The following RINT1 variants were observed in gnomAD, a reference collection of about 807,000 sequenced individuals.
The protein encoded by RINT1 is RAD50 interactor 1, also known as RAD50-interacting protein 1.
RINT1 carries 75 observed loss-of-function variants against 97.7 expected under a neutral mutation model. The ratio of observed to expected loss-of-function variants is 0.77; its 90% CI spans 0.64 to 0.93. The LOEUF (loss-of-function observed/expected upper bound fraction) is 0.93. Ranked by LOEUF, RINT1 falls within the 40% of genes least tolerant of loss-of-function variation. The probability of loss-of-function intolerance (pLI) is 0.00; values close to 1 mark genes in which losing one functional copy is unlikely to be tolerated. For missense variants in RINT1, 892 were observed against 925.2 expected (o/e 0.96, Z 0.47); for synonymous variants, 303 against 326.3 (o/e 0.93, Z 0.77).
chr7:105,567,553 C>T lies in RINT1; in HGVS notation c.*242C>T. On this transcript the variant is annotated 3_prime_UTR_variant, in exon 15 of 15. Transcript: ENST00000257700. ...TCAATTCTATTTACAAGTATAAATG[C>T]TGAGTATGTCTGTTGAAGACGAGCA... is the stretch of plus-strand genomic sequence containing the variant. 3.0e-6 allele frequency: 2 copies of T among 658,648 alleles called. No individual in the cohort carries two copies. Among genetic ancestry groups the T allele is most frequent in the East Asian group, 2.7e-5 (1 of 36,848 alleles). 40.8% of individuals were successfully genotyped at this position (658,648 alleles called of 1,614,324 possible).
intron 11 of RINT1, among the ~76,000 whole-genome samples, chr7:105,558,001 A>C (rs987892347): frequency 2.6e-5 from 4 of 152,198 alleles, no homozygotes; most frequent in Non-Finnish European, 4.4e-5. Flanking sequence ...ATAGAGGGTA[A>C]TGATCAGTTT....
rs75696096 is a variant in RINT1 at position 105,532,292 on chromosome 7, G to A, written c.-24G>A. On this transcript the variant is annotated 5_prime_UTR_variant, in exon 1 of 15. Coordinates refer to ENST00000257700, the MANE Select transcript of RINT1 (RefSeq NM_021930.6). ...ACAGGCCACGCTGGCTGCGAATGGA[G>A]CCGAGGACTCGCGCGGAGGCGAGAT... 2,732 of 1,568,342 alleles carry A rather than the reference G, an allele frequency of 1.7e-3. 43 individuals are homozygous for A. The African/African-American group carries it at 0.034, about 20-fold the overall frequency.
Position 105,537,981 on chromosome 7 carries a change from C to T in RINT1, c.273+1232C>T, listed in dbSNP as rs531529423. On this transcript the variant is annotated intron_variant, in intron 3 of 14. Coordinates refer to ENST00000257700, the MANE Select transcript of RINT1 (RefSeq NM_021930.6). ...CTCTACTTGGCAATGGTGTGTTTGT[C>T]AAAGATAAAACATTTTTTTCTTTTT... Among the ~76,000 whole-genome samples, 5 of 151,850 alleles carry T rather than the reference C, an allele frequency of 3.3e-5. No homozygotes were observed. The South Asian group carries it at 1.0e-3, about 32-fold the overall frequency.
In RINT1 at chr7:105,552,378, A is replaced by G. The variant is rs117309303; in HGVS notation, c.1471+671A>G. Reference sequence around the variant, plus strand: ...ATCTTGATTTATCAAAGATTGCAGAAGAGAGTAAAATAATGAAGTAATTTT... The same window carrying G: ...ATCTTGATTTATCAAAGATTGCAGAGGAGAGTAAAATAATGAAGTAATTTT... On this transcript the variant is annotated intron_variant, in intron 10 of 14. Transcript: ENST00000257700. Among the ~76,000 whole-genome samples the G allele has an allele frequency of 1.3e-3, 197 of 152,346 alleles. 7 individuals are homozygous for G. The East Asian group carries it at 0.03, about 24-fold the overall frequency.
intron 10 of RINT1, among the ~76,000 whole-genome samples, chr7:105,553,894 T>A (rs1392236827): frequency 7.3e-4 from 72 of 98,596 alleles, no homozygotes; most frequent in South Asian, 2.6e-3. Flanking sequence ...CTAATTTTTT[T>A]TTTTTTTTTT....
chr7:105,539,498 T>C (rs1206594293), intron 3 of RINT1, among the ~76,000 whole-genome samples: 1 of 152,052 alleles, frequency 6.6e-6, no homozygotes, highest in Non-Finnish European at 1.5e-5. Context: ...GTAGCTGGGA[T>C]TATAGGCATG....
chr7:105,534,074 ATTTT>A (rs113109700), intron 2 of RINT1, among the ~76,000 whole-genome samples: 1 of 146,660 alleles, frequency 6.8e-6, no homozygotes, highest in South Asian at 2.2e-4. Flanking sequence ...CAAGGGTGTA[ATTTT>A]TTTTTTTTTT....
chr7:105,552,180 T>G (rs1586244556), intron 10 of RINT1, among the ~76,000 whole-genome samples: 1 of 152,130 alleles, frequency 6.6e-6, no homozygotes, highest in African/African-American at 2.4e-5. Flanking sequence ...AACTTTTGGG[T>G]TTTTAATAAT....
intron 6 of RINT1, among the ~76,000 whole-genome samples, chr7:105,547,628 C>T (rs1790724690): frequency 6.6e-6 from 1 of 151,504 alleles, no homozygotes; most frequent in Non-Finnish European, 1.5e-5. Context: ...CCTTTAGTGT[C>T]ATAGCGTGAA....
chr7:105,567,557 G>A lies in RINT1; in HGVS notation c.*246G>A, dbSNP rs959941599. ...TTCTATTTACAAGTATAAATGCTGA[G>A]TATGTCTGTTGAAGACGAGCAGAGA... On this transcript the variant is annotated 3_prime_UTR_variant, in exon 15 of 15. Transcript: ENST00000257700. 1.5e-6 allele frequency: 1 copy of A among 654,526 alleles called. No individual in the cohort carries two copies. The highest frequency in any genetic ancestry group is 2.7e-5 in the East Asian group (1 of 36,770). 40.5% of individuals were successfully genotyped at this position (654,526 alleles called of 1,614,324 possible).
chr7:105,543,280 GTTATTC>G (rs1026562168), intron 4 of RINT1, among the ~76,000 whole-genome samples: 15 of 152,272 alleles, frequency 9.9e-5, no homozygotes, highest in African/African-American at 3.1e-4. Context: ...TTTGGTAATA[GTTATTC>G]TTATTTAATT....
chr7:105,546,031 G>C (rs961132660), intron 4 of RINT1, among the ~76,000 whole-genome samples: 17 of 151,538 alleles, frequency 1.1e-4, no homozygotes, highest in Non-Finnish European at 2.5e-4. Context: ...GTTTCACCAA[G>C]TTGGCCAGGC....
intron 10 of RINT1, among the ~76,000 whole-genome samples, chr7:105,553,309 T>A (rs1791015979): frequency 6.6e-6 from 1 of 151,926 alleles, no homozygotes; most frequent in Non-Finnish European, 1.5e-5. Context: ...TACTGCAACC[T>A]CCGCCTCCTG....
Position 105,532,213 on chromosome 7 carries a change from C to G in RINT1, c.-103C>G. On this transcript the variant is annotated 5_prime_UTR_variant, in exon 1 of 15. Transcript: ENST00000257700. ...AGAGGAAGTCGCTGTGGCACTCAGT[C>G]CTACGGCCTCCGAGGCTGGGTAGTG... 3 of 1,325,748 alleles carry G rather than the reference C, an allele frequency of 2.3e-6. No individual in the cohort carries two copies. The highest frequency in any genetic ancestry group is 3.1e-6 in the Non-Finnish European group (3 of 966,894). 82.1% of individuals were successfully genotyped at this position (1,325,748 alleles called of 1,614,324 possible). A position where few individuals can be genotyped will look rare whatever the true frequency, so the allele number is the denominator to read the frequency against.
intron 9 of RINT1, 54 bp downstream of exon 9, chr7:105,550,540 A>G: frequency 7.6e-7 from 1 of 1,309,834 alleles, no homozygotes; most frequent in Non-Finnish European, 1.1e-6. Context: ...CTGTGGGTAT[A>G]CATTTTTGAT....
Position 105,547,214 on chromosome 7 carries a change from T to C in RINT1, c.720T>C (p.His240=), listed in dbSNP as rs761452671. The C allele has an allele frequency of 6.2e-7, 1 of 1,614,202 alleles. No homozygotes were observed. Among genetic ancestry groups the C allele is most frequent in the Non-Finnish European group, 8.5e-7 (1 of 1,180,038 alleles). ...SDFEEILAQL[H]WPFIAPPQSQ... ...TTGAGGAAATTTTAGCACAGCTTCATTGGCCATTCATCGCACCCCCTCAAT... is the reference window on the plus strand; with the variant it reads ...TTGAGGAAATTTTAGCACAGCTTCACTGGCCATTCATCGCACCCCCTCAAT... Residue 240 remains histidine, a synonymous_variant, in exon 6 of 15, where the codon CAT becomes CAC. Coordinates refer to ENST00000257700, the MANE Select transcript of RINT1 (RefSeq NM_021930.6).
rs117623353 is a variant in RINT1, at chr7:105,544,732, G to A, written c.515+2083G>A. Among the ~76,000 whole-genome samples, 365 of 152,268 alleles carry A rather than the reference G, an allele frequency of 2.4e-3. 9 individuals carry two copies. The East Asian group carries it at 0.067, about 28-fold the overall frequency. ...TTACAGGTGTGAGCCACTGCACCTG[G>A]CCTTGATAAACTCTTCAGATATCTG... On this transcript the variant is annotated intron_variant, in intron 4 of 14. Transcript: ENST00000257700.
chr7:105,537,988 A>G (rs1214837093), intron 3 of RINT1, among the ~76,000 whole-genome samples: 2 of 152,038 alleles, frequency 1.3e-5, no homozygotes, highest in South Asian at 2.1e-4. Context: ...TGTCAAAGAT[A>G]AAACATTTTT....
intron 2 of RINT1, among the ~76,000 whole-genome samples, chr7:105,533,516 GGGAAAAGCATGTGATAGCTCTGCTA>G (rs1790113674): frequency 6.6e-6 from 1 of 152,142 alleles, no homozygotes; most frequent in Non-Finnish European, 1.5e-5. Context: ...GGAGAGGAAG[GGGAAAAGCATGTGATAGCTCTGCTA>G]TTGGGATTTT....
Sources: allele counts gnomAD v4.1 joint callset (sites outside exome capture counted in the v4.1 genomes callset), GRCh38; gene constraint gnomAD v4.1.1; transcripts MANE v1.5; gene names NCBI Gene and HGNC (gene_info 2026-07-23, HGNC 2026-07-21).